CDK6: variants seen among roughly 807,000 people sequenced by gnomAD.
CDK6 encodes cyclin dependent kinase 6.
CDK6 carries 6 observed loss-of-function variants against 37.1 expected under a neutral mutation model. The observed-to-expected ratio is 0.16, with a 90% CI of 0.09 to 0.32. The LOEUF is 0.32. CDK6 is among the 10% of genes least tolerant of loss of function. CDK6 has a pLI of 1.00. For synonymous variants in CDK6, 160 were observed against 161.3 expected, an observed-to-expected ratio of 0.99 and a Z score of 0.06; for missense variants, 224 against 418.9, an observed-to-expected ratio of 0.53 and a Z score of 4.06.
chr7:92,833,267 G>C lies in CDK6; in HGVS notation c.57C>G (p.Ile19Met), dbSNP rs1801540467. 1 of 1,609,894 alleles carries C rather than the reference G, an allele frequency of 6.2e-7. No individual in the cohort carries two copies. Among genetic ancestry groups the C allele is most frequent in the Non-Finnish European group, 8.5e-7 (1 of 1,178,964 alleles). The change falls in exon 2 of 8, where the codon ATC becomes ATG. Residue 19 changes from isoleucine to methionine, a missense_variant. Physicochemically the swap from Ile to Met is conservative, Grantham distance 10. This residue lies in a region of CDK6 where 13 missense variants were observed against 43.8 expected (regional missense o/e 0.30). Transcript: ENST00000424848. The surrounding 1 kb of genome is among the most constrained non-coding windows in gnomAD (Gnocchi z 6.1). ...ACACCTTCCCATAGGCGCCCTCCCC[G>C]ATCTCCGCCACGCATTCGTACTGCT... The part of the protein sequence containing the change: ...ADQQYECVAE[I>M]GEGAYGKVFK...
rs3731375 is a variant in CDK6, at chr7:92,618,013, G to T, written c.834+59C>A. On this transcript the variant is annotated intron_variant, in intron 7 of 7. Transcript: ENST00000424848. ...GATATTTGTGCCCACCACCCAGTCT[G>T]GGTAGAGCAGGTGTCTCACTGGCAC... 13,783 of 1,578,236 alleles carry T rather than the reference G, an allele frequency of 8.7e-3. 1,100 individuals carry two copies. In the African/African-American group the frequency reaches 0.16, roughly 19 times the overall value.
In CDK6 at chr7:92,654,999, T is replaced by A. The variant is rs534566373; in HGVS notation, c.647+16427A>T. On this transcript the variant is annotated intron_variant, in intron 5 of 7. Transcript: ENST00000424848. Reference sequence around the variant, plus strand: ...GTGGGACTACAGGCACGTGCCACCATGCCTGGATCATTTTTTTTTTTTTTT... The same window carrying A: ...GTGGGACTACAGGCACGTGCCACCAAGCCTGGATCATTTTTTTTTTTTTTT... Among the ~76,000 whole-genome samples, 9 of 148,362 alleles carry A rather than the reference T, an allele frequency of 6.1e-5. No individual in the cohort carries two copies. The South Asian group carries it at 1.9e-3, about 32-fold the overall frequency.
intron 5 of CDK6, among the ~76,000 whole-genome samples, chr7:92,637,191 C>T (rs984763164): frequency 6.6e-6 from 1 of 152,050 alleles, no homozygotes; most frequent in Non-Finnish European, 1.5e-5. Context: ...TACAGACCTA[C>T]GGGTTAAATA....
chr7:92,828,133 G>C (rs1157594101), intron 2 of CDK6, among the ~76,000 whole-genome samples: 1 of 151,668 alleles, frequency 6.6e-6, no homozygotes, highest in Non-Finnish European at 1.5e-5. Context: ...TTTAACTATA[G>C]CTATTTTAAA....
At chr7:92,741,543 C>T (rs1287014969) in intron 3 of CDK6, among the ~76,000 whole-genome samples, 1 of 152,142 alleles carries the variant, frequency 6.6e-6, no homozygotes, top group Non-Finnish European at 1.5e-5. Flanking sequence ...TTAAAGATTG[C>T]TACCTCTGTC....
intron 2 of CDK6, among the ~76,000 whole-genome samples, chr7:92,790,193 C>G (rs1295528022): frequency 1.3e-5 from 2 of 152,102 alleles, no homozygotes; most frequent in African/African-American, 4.8e-5. Context: ...TGAATCACAC[C>G]CCCATCCAAA....
rs1254861801 is a variant in CDK6 at position 92,606,158 on chromosome 7, A to C, written c.*8982T>G. 1.3e-5 allele frequency: 3 copies of C among 233,642 alleles called. No individual in the cohort carries two copies. The highest frequency in any genetic ancestry group is 6.6e-5 in the African/African-American group (3 of 45,478). 14.5% of individuals were successfully genotyped at this position (233,642 alleles called of 1,614,324 possible). A position where few individuals can be genotyped will look rare whatever the true frequency, so the allele number is the denominator to read the frequency against. ...CAGTAAAAGTGTGGCCTGTAGATGG[A>C]GAGAAAACAGCAGCCTGGAATGTGG... On this transcript the variant is annotated 3_prime_UTR_variant, in exon 8 of 8. Transcript: ENST00000424848.
intron 5 of CDK6, among the ~76,000 whole-genome samples, chr7:92,670,286 A>C (rs558714438): frequency 1.3e-5 from 2 of 152,160 alleles, no homozygotes; most frequent in Non-Finnish European, 2.9e-5. Flanking sequence ...TCTCCTTGTG[A>C]TGATCTCCTA....
In CDK6 at chr7:92,755,537, T is replaced by C. The variant is rs1276533686; in HGVS notation, c.369+19159A>G. ...CACCAACAAGCCAGCTGGTCAGTGA[T>C]GAGAGGAGCTGAAACAATGTGGTGC... On this transcript the variant is annotated intron_variant, in intron 3 of 7. Transcript: ENST00000424848. 2.0e-5 allele frequency among the ~76,000 whole-genome samples: 3 copies of C among 152,198 alleles called. No homozygotes were observed. In the South Asian group the frequency reaches 6.2e-4, roughly 32 times the overall value.
chr7:92,717,470 AAAAG>A lies in CDK6; in HGVS notation c.537+8152_537+8155del, dbSNP rs753747051. Among the ~76,000 whole-genome samples the A allele has an allele frequency of 1.2e-3, 177 of 151,920 alleles. 3 individuals carry two copies. The South Asian group carries it at 0.031, about 26-fold the overall frequency. ...AGGGAAAGGAAAGAAGAAAGAAAGA[AAAAG>A]AAAGAAAGAAAGAAAAGAAAGAAAA... On this transcript the variant is annotated intron_variant, in intron 4 of 7. Transcript: ENST00000424848.
chr7:92,817,490 G>A (rs1005172339), intron 2 of CDK6, among the ~76,000 whole-genome samples: 6 of 151,674 alleles, frequency 4.0e-5, no homozygotes, highest in African/African-American at 1.5e-4. Flanking sequence ...GGAATATAAG[G>A]GAACTTCATC....
At chr7:92,831,656 C>T (rs953822326) in intron 2 of CDK6, among the ~76,000 whole-genome samples, 1 of 152,218 alleles carries the variant, frequency 6.6e-6, no homozygotes, top group African/African-American at 2.4e-5. Flanking sequence ...CTAAAACACT[C>T]ATTCTCCTTC....
intron 3 of CDK6, among the ~76,000 whole-genome samples, chr7:92,763,921 T>C (rs1177461533): frequency 2.0e-5 from 3 of 152,168 alleles, no homozygotes; most frequent in East Asian, 3.8e-4. Context: ...TAGGGCAGGA[T>C]TGTCATTTTA....
chr7:92,746,203 T>G (rs921832750), intron 3 of CDK6, among the ~76,000 whole-genome samples: 7 of 152,206 alleles, frequency 4.6e-5, no homozygotes, highest in African/African-American at 1.7e-4. Context: ...TCCATTATAA[T>G]TAATGCTACA....
chr7:92,716,225 A>G (rs1702668378), intron 4 of CDK6, among the ~76,000 whole-genome samples: 1 of 152,220 alleles, frequency 6.6e-6, no homozygotes, highest in Admixed American at 6.5e-5. Flanking sequence ...ATTCATTTGT[A>G]AAAGCAGGGA....
intron 3 of CDK6, among the ~76,000 whole-genome samples, chr7:92,731,157 G>C (rs535219591): frequency 6.6e-6 from 1 of 152,262 alleles, no homozygotes; most frequent in Admixed American, 6.5e-5. Context: ...TTCAAAACCT[G>C]ACAGGGTTCC....
chr7:92,737,866 T>G (rs929044083), intron 3 of CDK6, among the ~76,000 whole-genome samples: 2 of 152,206 alleles, frequency 1.3e-5, no homozygotes, highest in African/African-American at 2.4e-5. Context: ...TCATAAAACA[T>G]GCTTACCACA....
intron 4 of CDK6, among the ~76,000 whole-genome samples, chr7:92,705,195 C>A (rs1020808886): frequency 1.3e-5 from 2 of 152,080 alleles, no homozygotes; most frequent in Non-Finnish European, 2.9e-5. Flanking sequence ...TTAGAAAATT[C>A]TTGGTAGTGG....
In CDK6 at chr7:92,615,045, G is replaced by A. The variant is rs978495655; in HGVS notation, c.*95C>T. 7.6e-7 allele frequency: 1 copy of A among 1,317,776 alleles called. No individual in the cohort carries two copies. Among genetic ancestry groups the A allele is most frequent in the East Asian group, 2.4e-5 (1 of 41,854 alleles). The allele number at this position is 1,317,776 out of a possible 1,614,324, so 81.6% of individuals were successfully genotyped here. A position where few individuals can be genotyped will look rare whatever the true frequency, so the allele number is the denominator to read the frequency against. ...ACAGCAGCTGGAAGGCCTCCAGATA[G>A]CAATCCTCCACAGCTCTGTAGGGCT... is the stretch of plus-strand genomic sequence containing the variant. On this transcript the variant is annotated 3_prime_UTR_variant, in exon 8 of 8. Coordinates refer to ENST00000424848, the MANE Select transcript of CDK6 (RefSeq NM_001145306.2).
Sources: gnomAD v4.1 joint callset for allele counts (sites outside exome capture counted in the v4.1 genomes callset) on GRCh38, gnomAD v4.1.1 for gene constraint, gnomAD v4.1.1 regional missense constraint, Gnocchi (gnomAD v3.1) non-coding constraint, MANE v1.5 for transcripts, NCBI Gene and HGNC (gene_info 2026-07-23, HGNC 2026-07-21) for gene names.